The following CALD1 variants were observed in gnomAD, a reference collection of about 807,000 sequenced individuals.
CALD1 encodes caldesmon 1, also known as caldesmon.
In CALD1, 33 loss-of-function variants were observed where a neutral mutation model predicts 99.9. The ratio of observed to expected loss-of-function variants is 0.33; its 90% CI spans 0.25 to 0.44. The LOEUF (loss-of-function observed/expected upper bound fraction) is 0.44. Among genes scored for constraint, CALD1 ranks in the 20% least tolerant of loss-of-function variants. The pLI is 1.00. For missense variants in CALD1, 861 were observed against 962.1 expected, an observed-to-expected ratio of 0.89 and a Z score of 1.39; for synonymous variants, 310 against 325.0, an observed-to-expected ratio of 0.95 and a Z score of 0.50.
intron 3 of CALD1, among the ~76,000 whole-genome samples, chr7:134,877,265 T>C (rs889595265): frequency 6.6e-6 from 1 of 152,184 alleles, no homozygotes; most frequent in Non-Finnish European, 1.5e-5. Flanking sequence ...CAACTCCATG[T>C]GTCAGATGGC....
At chr7:134,738,751 C>G in the CALD1 span, among the ~76,000 whole-genome samples, 2 of 152,136 alleles carry the variant, frequency 1.3e-5, no homozygotes, top group Admixed American at 6.5e-5. Flanking sequence ...TTAAAGTCCC[C>G]TCTAGACTTG....
chr7:134,958,018 G>A (rs1807906732), intron 9 of CALD1, 51 bp from the exon 10 acceptor site: 2 of 1,385,666 alleles, frequency 1.4e-6, no homozygotes, highest in Admixed American at 1.7e-5. Flanking sequence ...GAGAAACACT[G>A]TTTATAAGCT....
chr7:134,889,559 T>C (rs1007453151), intron 3 of CALD1, among the ~76,000 whole-genome samples: 19 of 152,196 alleles, frequency 1.2e-4, no homozygotes, highest in Non-Finnish European at 2.2e-4. Flanking sequence ...TTATTCCACC[T>C]ACCATAGAAA....
intron 1 of CALD1, among the ~76,000 whole-genome samples, chr7:134,749,232 A>G (rs1796663583): frequency 6.6e-6 from 1 of 152,168 alleles, no homozygotes; most frequent in South Asian, 2.1e-4. Context: ...GAGAAAAGGG[A>G]CTTATTTGTT....
chr7:134,885,448 A>C (rs1014079749), intron 3 of CALD1, among the ~76,000 whole-genome samples: 7 of 152,220 alleles, frequency 4.6e-5, no homozygotes, highest in African/African-American at 1.7e-4. Context: ...GAAGGAAATC[A>C]ATATTTTTTA....
In CALD1 at chr7:134,968,310, T is replaced by C. The variant is rs371803101; in HGVS notation, c.2377-30T>C. The C allele has an allele frequency of 2.5e-6, 4 of 1,611,944 alleles. No individual in the cohort carries two copies. In the African/African-American group the frequency reaches 4.0e-5, roughly 16 times the overall value. On this transcript the variant is annotated intron_variant, in intron 14 of 14. Transcript: ENST00000361675. ...AGGCTGTCAGTTTCACACTACAGGC[T>C]GTCAATTTCAAGTTCTCTTCTCTTG...
intron 13 of CALD1, among the ~76,000 whole-genome samples, chr7:134,963,908 G>A (rs1026480256): frequency 3.3e-5 from 5 of 152,128 alleles, no homozygotes; most frequent in African/African-American, 1.2e-4. Context: ...GCTAGAAAAG[G>A]GACTTTGTGG....
chr7:134,900,527 C>T (rs1012882776), intron 3 of CALD1, among the ~76,000 whole-genome samples: 7 of 152,104 alleles, frequency 4.6e-5, no homozygotes, highest in Non-Finnish European at 1.0e-4. Flanking sequence ...AGAGTCTCAA[C>T]GCCCCTCCTG....
At chr7:134,932,562 G>C (rs555524263) in intron 4 of CALD1, among the ~76,000 whole-genome samples, 1 of 152,286 alleles carries the variant, frequency 6.6e-6, no homozygotes, top group Admixed American at 6.5e-5. Context: ...AAAAGGGAAG[G>C]CCACCAAATA....
chr7:134,793,417 CACTTT>C (rs1438956644), intron 1 of CALD1, among the ~76,000 whole-genome samples: 2 of 152,350 alleles, frequency 1.3e-5, no homozygotes, highest in South Asian at 2.1e-4. Context: ...CAGTCCTCCT[CACTTT>C]ATCTGTCTTT....
At chr7:134,935,284 T>C (rs1342226534) in intron 5 of CALD1, among the ~76,000 whole-genome samples, 3 of 152,140 alleles carry the variant, frequency 2.0e-5, no homozygotes, top group Non-Finnish European at 4.4e-5. Flanking sequence ...AAAAAAGAGA[T>C]GCTTTCACAT....
intron 3 of CALD1, among the ~76,000 whole-genome samples, chr7:134,926,145 C>A (rs190562471): frequency 5.1e-4 from 78 of 152,306 alleles, no homozygotes; most frequent in South Asian, 1.2e-3. Flanking sequence ...TTTTTCCTCA[C>A]GAAGCGGCTC....
the CALD1 span, among the ~76,000 whole-genome samples, chr7:134,731,697 T>A: frequency 8.6e-5 from 13 of 152,030 alleles, no homozygotes; most frequent in Admixed American, 5.2e-4. Context: ...TTTCTAAGAA[T>A]CTGCTATTGA....
the CALD1 span, among the ~76,000 whole-genome samples, chr7:134,724,367 A>G: frequency 6.6e-6 from 1 of 152,204 alleles, no homozygotes; most frequent in Non-Finnish European, 1.5e-5. Context: ...TTTAATATTC[A>G]GGGGAAGCTG....
chr7:134,913,176 G>A (rs1563090550), intron 3 of CALD1, among the ~76,000 whole-genome samples: 1 of 152,156 alleles, frequency 6.6e-6, no homozygotes. Context: ...TAAGGCAGGA[G>A]AATTGCTTGA....
chr7:134,715,304 G>A, the CALD1 span, among the ~76,000 whole-genome samples: 2 of 152,076 alleles, frequency 1.3e-5, no homozygotes, highest in Non-Finnish European at 1.5e-5. Context: ...ATATATTTTC[G>A]CTCTTGTGTA....
chr7:134,731,252 C>T, the CALD1 span, among the ~76,000 whole-genome samples: 1 of 152,186 alleles, frequency 6.6e-6, no homozygotes, highest in African/African-American at 2.4e-5. Context: ...CTATTCCAAA[C>T]CAGCCAACCA....
At chr7:134,903,442 T>C (rs2132626399) in intron 3 of CALD1, among the ~76,000 whole-genome samples, 1 of 152,218 alleles carries the variant, frequency 6.6e-6, no homozygotes, top group African/African-American at 2.4e-5. Context: ...TTGCCATGAA[T>C]GTAAAACTCC....
the CALD1 span, among the ~76,000 whole-genome samples, chr7:134,714,966 C>T: frequency 6.6e-6 from 1 of 152,182 alleles, no homozygotes; most frequent in African/African-American, 2.4e-5. Context: ...TCTCCTACCT[C>T]AATACCAGCT....
Sources: allele counts gnomAD v4.1 joint callset (sites outside exome capture counted in the v4.1 genomes callset), GRCh38; gene constraint gnomAD v4.1.1; transcripts MANE v1.5; gene names NCBI Gene and HGNC (gene_info 2026-07-23, HGNC 2026-07-21).